Variants in CYSTM1 observed in about 807,000 individuals in gnomAD.
The protein encoded by CYSTM1 is cysteine-rich transmembrane module-containing protein 1.
CYSTM1 carries 4 observed loss-of-function variants against 13.1 expected under a neutral mutation model. The ratio of observed to expected loss-of-function variants is 0.31; its 90% CI spans 0.15 to 0.70. The LOEUF (loss-of-function observed/expected upper bound fraction) is 0.70, where lower values mean the gene tolerates loss of function less well. Ranked by LOEUF, CYSTM1 falls within the 30% of genes least tolerant of loss-of-function variation. CYSTM1 has a pLI of 0.72. For missense variants in CYSTM1, 96 were observed against 121.6 expected (o/e 0.79, Z 0.99); for synonymous variants, 36 against 42.7 (o/e 0.84, Z 0.62).
At chr5:140,223,466 C>A (rs1387493115) in intron 2 of CYSTM1, among the ~76,000 whole-genome samples, 3 of 152,182 alleles carry the variant, frequency 2.0e-5, no homozygotes, top group African/African-American at 7.2e-5. Flanking sequence ...AAGTCATGGG[C>A]AAAACCAGGA....
At chr5:140,211,872 G>A (rs1365009177) in intron 2 of CYSTM1, among the ~76,000 whole-genome samples, 1 of 152,182 alleles carries the variant, frequency 6.6e-6, no homozygotes, top group African/African-American at 2.4e-5. Context: ...GCTTAGACCT[G>A]GGAGGCAGAG....
intron 2 of CYSTM1, among the ~76,000 whole-genome samples, chr5:140,215,907 A>T (rs1764420567): frequency 6.6e-6 from 1 of 152,184 alleles, no homozygotes; most frequent in Non-Finnish European, 1.5e-5. Context: ...TTGGGAGGTC[A>T]AGGTGGGTGG....
chr5:140,232,298 G>C (rs897729135), intron 2 of CYSTM1, among the ~76,000 whole-genome samples: 3 of 152,192 alleles, frequency 2.0e-5, no homozygotes, highest in African/African-American at 7.2e-5. Flanking sequence ...GCTTGGAGGA[G>C]AGGTTGGGCT....
At chr5:140,241,439 G>A (rs773147490) in intron 2 of CYSTM1, among the ~76,000 whole-genome samples, 18 of 152,214 alleles carry the variant, frequency 1.2e-4, no homozygotes, top group Non-Finnish European at 2.1e-4. Flanking sequence ...CTCAATAAAT[G>A]GTAACTTAAG....
intron 1 of CYSTM1, among the ~76,000 whole-genome samples, chr5:140,187,653 C>A (rs1445013563): frequency 6.6e-6 from 1 of 152,222 alleles, no homozygotes; most frequent in East Asian, 1.9e-4. Flanking sequence ...CAGGTGTGAA[C>A]CATGGTGCCT....
intron 2 of CYSTM1, among the ~76,000 whole-genome samples, chr5:140,211,590 A>G (rs562106515): frequency 3.8e-4 from 58 of 152,162 alleles, no homozygotes; most frequent in Non-Finnish European, 7.8e-4. Flanking sequence ...TGCATGAGTA[A>G]AAATTGTTTT....
At chr5:140,238,640 C>G (rs1764712201) in intron 2 of CYSTM1, among the ~76,000 whole-genome samples, 1 of 152,212 alleles carries the variant, frequency 6.6e-6, no homozygotes, top group Non-Finnish European at 1.5e-5. Context: ...GAAACCATAG[C>G]AAGTTGAGTC....
intron 2 of CYSTM1, among the ~76,000 whole-genome samples, chr5:140,223,742 C>T (rs1406628217): frequency 1.3e-5 from 2 of 152,176 alleles, no homozygotes; most frequent in South Asian, 2.1e-4. Flanking sequence ...GGGGCCTGCT[C>T]ATGAATCAGG....
chr5:140,222,572 C>T (rs1764504248), intron 2 of CYSTM1, among the ~76,000 whole-genome samples: 1 of 152,264 alleles, frequency 6.6e-6, no homozygotes, highest in Admixed American at 6.5e-5. Context: ...ACTAAAAATA[C>T]TGAGATCAGT....
chr5:140,204,200 A>G (rs746066384), intron 2 of CYSTM1, among the ~76,000 whole-genome samples: 1 of 152,012 alleles, frequency 6.6e-6, no homozygotes, highest in Non-Finnish European at 1.5e-5. Flanking sequence ...GACACCACAC[A>G]TCTCTACAAA....
At chr5:140,232,034 T>C (rs980582439) in intron 2 of CYSTM1, among the ~76,000 whole-genome samples, 9 of 152,098 alleles carry the variant, frequency 5.9e-5, no homozygotes, top group Admixed American at 3.3e-4. Context: ...ATTTGAGATA[T>C]TGGGAAGTAA....
intron 1 of CYSTM1, among the ~76,000 whole-genome samples, chr5:140,179,914 C>T (rs1763943384): frequency 6.6e-6 from 1 of 152,164 alleles, no homozygotes; most frequent in African/African-American, 2.4e-5. Context: ...CCACCCGCCT[C>T]AGCCTCCCAA....
chr5:140,227,168 C>T (rs909642336), intron 2 of CYSTM1, among the ~76,000 whole-genome samples: 1 of 152,186 alleles, frequency 6.6e-6, no homozygotes, highest in Admixed American at 6.5e-5. Context: ...TCCCCAGAAC[C>T]TGGCTCAGGT....
intron 2 of CYSTM1, among the ~76,000 whole-genome samples, chr5:140,222,431 C>T (rs1483424608): frequency 2.0e-5 from 3 of 152,174 alleles, no homozygotes; most frequent in East Asian, 3.8e-4. Context: ...CTGTATTTGC[C>T]AGGCCACTTA....
intron 1 of CYSTM1, among the ~76,000 whole-genome samples, chr5:140,189,296 G>T (rs1318803665): frequency 6.6e-6 from 1 of 152,108 alleles, no homozygotes; most frequent in Non-Finnish European, 1.5e-5. Context: ...AGATCTGGTT[G>T]TTTAAAAGAG....
At chr5:140,240,544 G>A (rs1020692583) in intron 2 of CYSTM1, among the ~76,000 whole-genome samples, 6 of 151,840 alleles carry the variant, frequency 4.0e-5, no homozygotes, top group Non-Finnish European at 7.4e-5. Context: ...TAGTGCACGA[G>A]TTCTCAGGCA....
At chr5:140,198,668 C>T (rs1331073292) in intron 2 of CYSTM1, among the ~76,000 whole-genome samples, 2 of 152,192 alleles carry the variant, frequency 1.3e-5, no homozygotes, top group Non-Finnish European at 2.9e-5. Flanking sequence ...GAACAGATAT[C>T]ACCTTCCTCC....
At chr5:140,229,743 G>T (rs979977793) in intron 2 of CYSTM1, among the ~76,000 whole-genome samples, 2 of 151,926 alleles carry the variant, frequency 1.3e-5, no homozygotes, top group African/African-American at 4.8e-5. Context: ...TGTTGCCCAG[G>T]CTGGAGTGCA....
intron 2 of CYSTM1, among the ~76,000 whole-genome samples, chr5:140,194,902 A>T (rs1413124315): frequency 6.6e-6 from 1 of 152,082 alleles, no homozygotes; most frequent in East Asian, 1.9e-4. Flanking sequence ...TCTGAGGGCT[A>T]CCCTCTAGAG....
Sources: gnomAD v4.1 joint callset for allele counts (sites outside exome capture counted in the v4.1 genomes callset) on GRCh38, gnomAD v4.1.1 for gene constraint, MANE v1.5 for transcripts, NCBI Gene and HGNC (gene_info 2026-07-23, HGNC 2026-07-21) for gene names.